The following PKD1 variants were observed in gnomAD, a reference collection of about 807,000 sequenced individuals.
The protein encoded by PKD1 is polycystin 1, transient receptor potential channel interacting.
PKD1 carries 81 observed loss-of-function variants against 361.7 expected under a neutral mutation model. The ratio of observed to expected loss-of-function variants is 0.22; its 90% CI spans 0.19 to 0.27. PKD1 has a LOEUF of 0.27. PKD1 is among the 10% of genes least tolerant of loss of function. The pLI, the probability that PKD1 is intolerant of heterozygous loss-of-function variation, is 1.00. For synonymous variants in PKD1, 3,615 were observed against 2,818.3 expected, an observed-to-expected ratio of 1.28 and a Z score of -8.95; for missense variants, 6,399 against 6,118.3, an observed-to-expected ratio of 1.05 and a Z score of -1.53.
intron 1 of PKD1, among the ~76,000 whole-genome samples, chr16:2,125,684 A>G (rs866464333): frequency 1.3e-5 from 2 of 151,830 alleles, no homozygotes; most frequent in African/African-American, 2.4e-5. Context: ...GGGTGTAGGA[A>G]GGAGAGCGCT....
Position 2,090,201 on chromosome 16 carries a change from G to C in PKD1, c.12445-7C>G. The C allele has an allele frequency of 6.2e-7, 1 of 1,606,632 alleles. No individual in the cohort carries two copies. The highest frequency in any genetic ancestry group is 8.5e-7 in the Non-Finnish European group (1 of 1,176,680). On this transcript the variant is annotated splice_polypyrimidine_tract_variant and splice_region_variant and intron_variant, in intron 45 of 45. Coordinates refer to ENST00000262304, the MANE Select transcript of PKD1 (RefSeq NM_001009944.3). ...AGCGGACTTTGTGGCGGAACTGGGG[G>C]CGGCACAGGGGCTCAGTCAGTCCGG... is the stretch of plus-strand genomic sequence containing the variant.
chr16:2,101,650 G>A (rs1434265743), intron 26 of PKD1, among the ~76,000 whole-genome samples: 2 of 152,256 alleles, frequency 1.3e-5, no homozygotes, highest in East Asian at 1.9e-4. Flanking sequence ...AAAAGGGAAT[G>A]CCAGAAGGGC....
intron 1 of PKD1, among the ~76,000 whole-genome samples, chr16:2,126,126 G>A (rs902087572): frequency 4.6e-5 from 7 of 152,208 alleles, no homozygotes; most frequent in Non-Finnish European, 8.8e-5. Context: ...CTCGGCTGTG[G>A]GCACAGCCAA....
At chr16:2,127,167 C>A (rs1208585670) in intron 1 of PKD1, among the ~76,000 whole-genome samples, 1 of 152,238 alleles carries the variant, frequency 6.6e-6, no homozygotes, top group African/African-American at 2.4e-5. Flanking sequence ...CACCACCTAA[C>A]AGCAAGAATG....
chr16:2,097,063 A>AC, intron 34 of PKD1, 85 bp downstream of exon 34: 1 of 780,514 alleles, frequency 1.3e-6, no homozygotes, highest in Non-Finnish European at 2.1e-6. Context: ...ACCCCACCCT[A>AC]CCCCAGGCGG....
At chr16:2,094,310 G>A (rs2091749009) in intron 34 of PKD1, 100 bp from the exon 35 acceptor site, 2 of 759,294 alleles carry the variant, frequency 2.6e-6, no homozygotes, top group African/African-American at 1.7e-5. Context: ...AGCCTCTTGG[G>A]TCACAGGGTC....
rs1567159623 is a variant in PKD1 at position 2,094,170 on chromosome 16, G to A, written c.10540C>T (p.Gln3514Ter). 1 of 1,605,666 alleles carries A rather than the reference G, an allele frequency of 6.2e-7. No homozygotes were observed. Among genetic ancestry groups the A allele is most frequent in the Non-Finnish European group, 8.5e-7 (1 of 1,176,076 alleles). Residue 3514 changes from glutamine to a stop codon, truncating the protein, a stop_gained, in exon 35 of 46, where the codon CAG becomes TAG. Transcript: ENST00000262304. LOFTEE classifies it high-confidence loss of function. ...PGEKTETLAL[Q>*]RLGELGPPSP... Reference sequence around the variant, plus strand: ...GGTGGCCCCAGCTCCCCCAGCCTCTGCAGCGCCAGCGTCTCTGTCTTCTCC... The same window carrying A: ...GGTGGCCCCAGCTCCCCCAGCCTCTACAGCGCCAGCGTCTCTGTCTTCTCC...
At position 2,135,495 on chromosome 16, in the gene PKD1, G is replaced by A. The variant is rs1235950993; in HGVS notation, c.195C>T (p.Ile65=). Residue 65 remains isoleucine, a synonymous_variant, in exon 1 of 46, where the codon ATC becomes ATT. Coordinates refer to ENST00000262304, the MANE Select transcript of PKD1 (RefSeq NM_001009944.3). ...GLRTLGPALR[I]PADATALDVS... ...CTCACAGCGCTGTGGCGTCCGCGGG[G>A]ATGCGCAGCGCGGGACCGAGCGTCC... 2 of 1,167,070 alleles carry A rather than the reference G, an allele frequency of 1.7e-6. No homozygotes were observed. The highest frequency in any genetic ancestry group is 9.2e-5 in the Admixed American group (2 of 21,676). The allele number at this position is 1,167,070 out of a possible 1,614,324, so 72.3% of individuals were successfully genotyped here.
intron 1 of PKD1, among the ~76,000 whole-genome samples, chr16:2,121,290 G>A (rs924497906): frequency 2.6e-5 from 4 of 151,952 alleles, no homozygotes; most frequent in East Asian, 3.9e-4. Context: ...ACTTGAACCC[G>A]CGAGGCAGAG....
In PKD1 at chr16:2,115,542, G is replaced by A. The variant is rs749034769; in HGVS notation, c.1933C>T (p.Arg645Cys). The change falls in exon 10 of 46, where the codon CGC becomes TGC. Residue 645 changes from arginine (R) to cysteine (C), a missense_variant. Physicochemically the swap from Arg to Cys is radical, Grantham distance 180. Coordinates refer to ENST00000262304, the MANE Select transcript of PKD1 (RefSeq NM_001009944.3). ...CAGATGTTGGCTCCAGGGCACCAGCGTCCCCCTGGCATGCACGCGGGGGCC... is the reference window on the plus strand; with the variant it reads ...CAGATGTTGGCTCCAGGGCACCAGCATCCCCCTGGCATGCACGCGGGGGCC... Reference protein sequence around the residue: ...QLAPACMPGGRWCPGANICLP... With the variant: ...QLAPACMPGGCWCPGANICLP... 17 of 1,591,386 alleles carry A rather than the reference G, an allele frequency of 1.1e-5. No homozygotes were observed. The highest frequency in any genetic ancestry group is 2.3e-4 in the Middle Eastern group (1 of 4,420).
Position 2,099,906 on chromosome 16 carries a change from C to A in PKD1, c.9878G>T (p.Gly3293Val), listed in dbSNP as rs1199015395. The A allele has an allele frequency of 6.4e-7, 1 of 1,567,826 alleles. No homozygotes were observed. The highest frequency in any genetic ancestry group is 1.2e-5 in the South Asian group (1 of 85,800). Residue 3293 changes from glycine to valine, a missense_variant, in exon 29 of 46, where the codon GGC becomes GTC. Gly to Val is a moderately radical substitution (Grantham distance 109). Coordinates refer to ENST00000262304, the MANE Select transcript of PKD1 (RefSeq NM_001009944.3). ...AGCCCCGTACCACACGGCGTTGGCG[C>A]CCAGGAAGAGGCAGATGAGGAGAAC... The part of the protein sequence containing the change: ...CCVLLICLFL[G>V]ANAVWYGAVG...
chr16:2,109,561 G>A lies in PKD1; in HGVS notation c.5606C>T (p.Ser1869Phe). 2 of 1,611,720 alleles carry A rather than the reference G, an allele frequency of 1.2e-6. No homozygotes were observed. Among genetic ancestry groups the A allele is most frequent in the Non-Finnish European group, 1.7e-6 (2 of 1,179,566 alleles). ...AGTFSIRLNA[S>F]NAVSWVSATY... ...GGCTGAGACCCAGCTGACTGCGTTG[G>A]AGGCATTGAGCCGGATGGAGAAGGT... Residue 1869 changes from serine (S) to phenylalanine (F), a missense_variant, in exon 15 of 46, where the codon TCC (serine) becomes TTC (phenylalanine). By Grantham distance (155) the Ser-to-Phe change is radical. Coordinates refer to ENST00000262304, the MANE Select transcript of PKD1 (RefSeq NM_001009944.3).
chr16:2,113,301 G>T lies in PKD1; in HGVS notation c.2854-9C>A, dbSNP rs757149205. ...ACCACGGGGCTGTACCTCTGCGGGGGGAATGGTGTCAGCCTGGGCTCTGTG... is the reference window on the plus strand; with the variant it reads ...ACCACGGGGCTGTACCTCTGCGGGGTGAATGGTGTCAGCCTGGGCTCTGTG... On this transcript the variant is annotated splice_polypyrimidine_tract_variant and intron_variant, in intron 11 of 45. Coordinates refer to ENST00000262304, the MANE Select transcript of PKD1 (RefSeq NM_001009944.3). The T allele has an allele frequency of 4.1e-5, 65 of 1,595,424 alleles. 1 individual carries two copies. Among genetic ancestry groups the T allele is most frequent in the Middle Eastern group, 2.2e-4 (1 of 4,450 alleles).
rs1205219599 is a variant in PKD1, at chr16:2,118,301, G to A, written c.691C>T (p.Leu231=). The A allele has an allele frequency of 4.6e-6, 7 of 1,527,852 alleles. No individual in the cohort carries two copies. Among genetic ancestry groups the A allele is most frequent in the Admixed American group, 2.0e-5 (1 of 50,964 alleles). 94.6% of individuals were successfully genotyped at this position (1,527,852 alleles called of 1,614,324 possible). A position where few individuals can be genotyped will look rare whatever the true frequency, so the allele number is the denominator to read the frequency against. ...LAALSEQGWC[L]CGAAQPSSAS... ...CTGGAGGGCTGGGCCGCCCCACACA[G>A]GCACCAGCCCTGCTCCGAGAGGGCT... Residue 231 remains leucine, a synonymous_variant, in exon 5 of 46, where the codon CTG becomes TTG. Transcript: ENST00000262304. The surrounding 1 kb of genome is among the most constrained non-coding windows in gnomAD (Gnocchi z 6.0).
Position 2,108,856 on chromosome 16 carries a change from T to C in PKD1, c.6311A>G (p.Asp2104Gly), listed in dbSNP as rs377720469. Residue 2104 changes from aspartate to glycine, a missense_variant, in exon 15 of 46, where the codon GAC (aspartate) becomes GGC (glycine). Transcript: ENST00000262304. ...WDFGDGSPGQDTDEPRAEHSY... is the reference protein window; with the variant it reads ...WDFGDGSPGQGTDEPRAEHSY... The stretch of plus-strand genomic sequence containing the variant: ...GTGCTCGGCCCTGGGCTCATCTGTG[T>C]CCTGCCCTGGCGACCCATCCCCAAA... 122 of 1,574,808 alleles carry C rather than the reference T, an allele frequency of 7.7e-5. No individual in the cohort carries two copies. Among genetic ancestry groups the C allele is most frequent in the Non-Finnish European group, 1.0e-4 (119 of 1,161,424 alleles).
Position 2,097,757 on chromosome 16 carries a change from C to T in PKD1, c.10191G>A (p.Lys3397=), listed in dbSNP as rs1223913306. ...TAGAATCATCCAGAAACAAGTCACT[C>T]TTCATCTGTCCAACAAAGGCCTGCT... ...HAEQAFVGQM[K]SDLFLDDSKS... is the part of the protein sequence containing the mutation. Residue 3397 remains lysine (K), a synonymous_variant, in exon 32 of 46, where the codon AAG becomes AAA. Coordinates refer to ENST00000262304, the MANE Select transcript of PKD1 (RefSeq NM_001009944.3). 2 of 1,611,346 alleles carry T rather than the reference C, an allele frequency of 1.2e-6. No homozygotes were observed. Among genetic ancestry groups the T allele is most frequent in the South Asian group, 2.2e-5 (2 of 90,994 alleles).
Position 2,113,181 on chromosome 16 carries a change from C to T in PKD1, c.2965G>A (p.Ala989Thr), listed in dbSNP as rs1258996942. ...CCTACTGAGAGCTTGAAGACCGCCG[C>T]GCTCTGATAAATGACATTGAAGACC... ...NVVFNVIYQS[A>T]AVFKLSLTAS... Residue 989 changes from alanine to threonine, a missense_variant, in exon 12 of 46, where the codon GCG becomes ACG. By Grantham distance (58) the Ala-to-Thr change is moderately conservative (BLOSUM62 0). Transcript: ENST00000262304. The T allele has an allele frequency of 8.1e-6, 9 of 1,112,484 alleles. No homozygotes were observed. Among genetic ancestry groups the T allele is most frequent in the East Asian group, 2.3e-5 (1 of 42,636 alleles). 68.9% of individuals were successfully genotyped at this position (1,112,484 alleles called of 1,614,324 possible).
intron 39 of PKD1, 130 bp downstream of exon 39, chr16:2,092,350 A>T: frequency 1.0e-6 from 1 of 983,848 alleles, no homozygotes; most frequent in Non-Finnish European, 1.5e-6. Flanking sequence ...TATACAGAGA[A>T]GGAAACGGCG....
At chr16:2,112,002 C>T in intron 14 of PKD1, 131 bp from the exon 15 acceptor site, 1 of 985,950 alleles carries the variant, frequency 1.0e-6, no homozygotes, top group Non-Finnish European at 1.6e-6. Flanking sequence ...GGGTCCCAGG[C>T]TCCCAAGCCA....
Sources: allele counts gnomAD v4.1 joint callset (sites outside exome capture counted in the v4.1 genomes callset), GRCh38; gene constraint gnomAD v4.1.1; non-coding constraint Gnocchi (gnomAD v3.1); transcripts MANE v1.5; gene names NCBI Gene and HGNC (gene_info 2026-07-23, HGNC 2026-07-21).